The following ANKRD36 variants were observed in gnomAD, a reference collection of about 807,000 sequenced individuals.
The protein encoded by ANKRD36 is ankyrin repeat domain-containing protein 36A.
A neutral mutation model predicts 278.1 loss-of-function variants in ANKRD36; 179 were observed. The ratio of observed to expected loss-of-function variants is 0.64; its 90% CI spans 0.57 to 0.73. The LOEUF (loss-of-function observed/expected upper bound fraction) is 0.73, where lower values mean the gene tolerates loss of function less well. Among genes scored for constraint, ANKRD36 ranks in the 30% least tolerant of loss-of-function variants. ANKRD36 has a pLI of 0.00. For synonymous variants in ANKRD36, 320 were observed against 641.1 expected (o/e 0.50, Z 7.57); for missense variants, 1,159 against 1,956.7 (o/e 0.59, Z 7.69).
chr2:97,257,776 CTT>C (rs1398478831), intron 75 of ANKRD36, among the ~76,000 whole-genome samples: 1 of 14,720 alleles, frequency 6.8e-5, no homozygotes, highest in Non-Finnish European at 1.3e-4. Context: ...GCAAAATAAA[CTT>C]TTTTATTTTG....
At chr2:97,188,045 A>C (rs1040247638) in intron 32 of ANKRD36, among the ~76,000 whole-genome samples, 2 of 151,634 alleles carry the variant, frequency 1.3e-5, no homozygotes. Context: ...AATTGGGATA[A>C]AGCACACTGA....
chr2:97,199,357 G>A (rs1261966373), intron 44 of ANKRD36, among the ~76,000 whole-genome samples: 1 of 151,880 alleles, frequency 6.6e-6, no homozygotes, highest in Non-Finnish European at 1.5e-5. Context: ...GTTGATTTTA[G>A]TTATAAAAAT....
intron 8 of ANKRD36, among the ~76,000 whole-genome samples, chr2:97,143,711 G>T (rs2043502351): frequency 6.6e-6 from 1 of 152,284 alleles, no homozygotes; most frequent in Non-Finnish European, 1.5e-5. Flanking sequence ...TCCTAAAGTG[G>T]TTATTTTCAA....
At chr2:97,134,607 A>G (rs2041010989) in intron 6 of ANKRD36, among the ~76,000 whole-genome samples, 1 of 152,096 alleles carries the variant, frequency 6.6e-6, no homozygotes, top group African/African-American at 2.4e-5. Flanking sequence ...ACTCACTTAT[A>G]ACTAGGTTCT....
At chr2:97,233,572 C>A (rs2072917398) in intron 67 of ANKRD36, among the ~76,000 whole-genome samples, 158 bp from the exon 68 acceptor site, 1 of 151,994 alleles carries the variant, frequency 6.6e-6, no homozygotes, top group South Asian at 2.1e-4. Flanking sequence ...GTCTTCTGAA[C>A]TAGAGTCAAC....
At chr2:97,188,095 C>T (rs1161301047) in intron 32 of ANKRD36, among the ~76,000 whole-genome samples, 3 of 151,430 alleles carry the variant, frequency 2.0e-5, no homozygotes, top group Non-Finnish European at 4.4e-5. Context: ...ATCAGAGATA[C>T]ATGTTTTGTT....
Position 97,158,149 on chromosome 2 carries a change from C to T in ANKRD36, c.1303C>T (p.Gln435Ter), listed in dbSNP as rs1321625485. 1.9e-5 allele frequency: 28 copies of T among 1,512,576 alleles called. No homozygotes were observed. Among genetic ancestry groups the T allele is most frequent in the Non-Finnish European group, 2.2e-5 (25 of 1,125,812 alleles). 93.7% of individuals were successfully genotyped at this position (1,512,576 alleles called of 1,614,324 possible). A position where few individuals can be genotyped will look rare whatever the true frequency, so the allele number is the denominator to read the frequency against. The change falls in exon 16 of 76, where the codon CAA (glutamine) becomes TAA (stop). Residue 435 changes from glutamine (Q) to a stop codon, truncating the protein, a stop_gained. Coordinates refer to ENST00000420699, the MANE Select transcript of ANKRD36 (RefSeq NM_001354587.1). LOFTEE classifies it high-confidence loss of function. ...PYFTNRRTISQQSAENLDAAC... is the reference protein window; with the variant it reads ...PYFTNRRTIS Reference sequence around the variant, plus strand: ...CTTTACGAACAGAAGGACTATTTCTCAACAATCTGCAGAAAATTGTAAGCT... The same window carrying T: ...CTTTACGAACAGAAGGACTATTTCTTAACAATCTGCAGAAAATTGTAAGCT...
Position 97,197,189 on chromosome 2 carries a change from C to A in ANKRD36, c.2653+401C>A, listed in dbSNP as rs150029121. On this transcript the variant is annotated intron_variant, in intron 42 of 75. Coordinates refer to ENST00000420699, the MANE Select transcript of ANKRD36 (RefSeq NM_001354587.1). ...AACTTGTTGTAATAACCCGTACACA[C>A]TGTAGGAGAACTAAGGAGACCCCTG... Among the ~76,000 whole-genome samples, 458 of 151,984 alleles carry A rather than the reference C, an allele frequency of 3.0e-3. 3 individuals are homozygous for A. The highest frequency in any genetic ancestry group is 0.01 in the African/African-American group (435 of 41,518).
intron 67 of ANKRD36, among the ~76,000 whole-genome samples, chr2:97,225,894 C>G (rs377363837): frequency 6.6e-6 from 1 of 151,320 alleles, no homozygotes. Context: ...TTTGTCCTTG[C>G]GATAGTTTAC....
intron 20 of ANKRD36, among the ~76,000 whole-genome samples, chr2:97,166,902 T>G (rs1454068631): frequency 6.6e-6 from 1 of 152,288 alleles, no homozygotes; most frequent in Non-Finnish European, 1.5e-5. Context: ...ATACTTTAAG[T>G]TTTAGGGTAC....
chr2:97,212,192 A>G (rs1222570758), intron 58 of ANKRD36, among the ~76,000 whole-genome samples: 1 of 151,912 alleles, frequency 6.6e-6, no homozygotes. Flanking sequence ...TATTTTCCTC[A>G]AGGAATAGGG....
intron 30 of ANKRD36, among the ~76,000 whole-genome samples, chr2:97,186,434 A>G (rs1338750780): frequency 6.6e-6 from 1 of 150,682 alleles, no homozygotes; most frequent in Non-Finnish European, 1.5e-5. Context: ...ATAAAAGCTT[A>G]TTAATATCCA....
chr2:97,149,509 G>A (rs1334050315), intron 12 of ANKRD36, 148 bp downstream of exon 12: 28 of 657,310 alleles, frequency 4.3e-5, no homozygotes, highest in Non-Finnish European at 6.0e-5. Flanking sequence ...AAAGAAATGG[G>A]AGGGGTTAAT....
intron 30 of ANKRD36, 116 bp from the exon 31 acceptor site, chr2:97,187,082 T>A: frequency 6.6e-7 from 1 of 1,526,004 alleles, no homozygotes; most frequent in Non-Finnish European, 8.8e-7. Context: ...GTAGAAAACA[T>A]CAAAGCCTAC....
chr2:97,194,505 C>G (rs1478647660), intron 38 of ANKRD36, among the ~76,000 whole-genome samples: 1 of 151,528 alleles, frequency 6.6e-6, no homozygotes, highest in African/African-American at 2.4e-5. Context: ...CATAAAAAAT[C>G]ATACTGTGTT....
chr2:97,190,695 A>T (rs1389169170), intron 34 of ANKRD36, among the ~76,000 whole-genome samples: 2 of 151,508 alleles, frequency 1.3e-5, no homozygotes, highest in Non-Finnish European at 2.9e-5. Flanking sequence ...TGTCCTCATC[A>T]CTCGGCATAT....
intron 67 of ANKRD36, among the ~76,000 whole-genome samples, chr2:97,227,610 C>T (rs1397743352): frequency 6.6e-6 from 1 of 152,082 alleles, no homozygotes; most frequent in Non-Finnish European, 1.5e-5. Context: ...AATTGAATAC[C>T]CTTTATTTCC....
chr2:97,196,387 A>C (rs1248564449), intron 40 of ANKRD36, among the ~76,000 whole-genome samples: 1 of 151,968 alleles, frequency 6.6e-6, no homozygotes, highest in East Asian at 1.9e-4. Flanking sequence ...CATGTTTGAA[A>C]TTATAAGGGT....
rs1407319487 is a variant in ANKRD36, at chr2:97,124,583, G to A, written c.717G>A (p.Glu239=). ...FRKIAGDYAI[E]AKNRVIFDLI... ...AGATTGCAGGAGATTATGCCATTGA[G>A]GCTAAGAATAGAGTGTAAGTCTTTA... The change falls in exon 5 of 76, where the codon GAG becomes GAA. Residue 239 remains glutamate (E), a synonymous_variant. Transcript: ENST00000420699. 4 of 1,551,788 alleles carry A rather than the reference G, an allele frequency of 2.6e-6. No homozygotes were observed. The highest frequency in any genetic ancestry group is 3.5e-6 in the Non-Finnish European group (4 of 1,146,746).
Sources: allele counts gnomAD v4.1 joint callset (sites outside exome capture counted in the v4.1 genomes callset), GRCh38; gene constraint gnomAD v4.1.1; transcripts MANE v1.5; gene names NCBI Gene and HGNC (gene_info 2026-07-23, HGNC 2026-07-21).